TRIM49: variants seen among roughly 807,000 people sequenced by gnomAD.
TRIM49 encodes tripartite motif containing 49, also known as tripartite motif-containing protein 49.
In TRIM49, 5 loss-of-function variants were observed where a neutral mutation model predicts 27.4. The ratio of observed to expected loss-of-function variants is 0.18; its 90% CI spans 0.10 to 0.38. The LOEUF (loss-of-function observed/expected upper bound fraction) is 0.38, where lower values mean the gene tolerates loss of function less well. Among genes scored for constraint, TRIM49 ranks in the 10% least tolerant of loss-of-function variants. The pLI is 1.00. For synonymous variants in TRIM49, 69 were observed against 166.0 expected, an observed-to-expected ratio of 0.42 and a Z score of 4.49; for missense variants, 188 against 487.5, an observed-to-expected ratio of 0.39 and a Z score of 5.79.
At chr11:89,786,818 C>T in the TRIM49 span, 3 of 139,138 alleles carry the variant, frequency 2.2e-5, no homozygotes, top group Admixed American at 6.8e-5. Flanking sequence ...CATGACTTTC[C>T]TGCGCTGTTT....
the TRIM49 span, among the ~76,000 whole-genome samples, chr11:89,769,304 C>A: frequency 7.4e-6 from 1 of 134,502 alleles, no homozygotes; most frequent in Non-Finnish European, 1.5e-5. Context: ...GTATTCTCAT[C>A]TCTTACACTT....
the TRIM49 span, among the ~76,000 whole-genome samples, chr11:89,775,598 A>G: frequency 3.0e-5 from 4 of 132,292 alleles, 1 homozygote; most frequent in South Asian, 9.5e-4. Context: ...TTATTTTAGA[A>G]GATAATTAAC....
chr11:89,800,348 G>A (rs538399137), intron 6 of TRIM49, among the ~76,000 whole-genome samples: 1 of 151,588 alleles, frequency 6.6e-6, no homozygotes, highest in East Asian at 1.9e-4. Flanking sequence ...CTTTTTCACT[G>A]CTAAAATACT....
At chr11:89,794,519 C>T (rs773846472), downstream of TRIM49, among the ~76,000 whole-genome samples, 13 of 151,396 alleles carry the variant, frequency 8.6e-5, no homozygotes, top group Admixed American at 3.3e-4. Context: ...AAAACAGCAT[C>T]GGACTCGTGC....
Position 89,798,711 on chromosome 11 carries a change from A to G in TRIM49, c.860-82T>C. On this transcript the variant is annotated intron_variant, in intron 7 of 7. Coordinates refer to ENST00000329758, the MANE Select transcript of TRIM49 (RefSeq NM_020358.2). ...AATTGTTCTATCAAGAAGTTACTTT[A>G]CCAGCAAATGTAAAGTCATAAAATG... 5.1e-6 allele frequency: 7 copies of G among 1,379,956 alleles called. No homozygotes were observed. In the South Asian group the frequency reaches 9.6e-5, roughly 19 times the overall value. 85.5% of individuals were successfully genotyped at this position (1,379,956 alleles called of 1,614,324 possible).
chr11:89,804,260 C>G lies in TRIM49; in HGVS notation c.210G>C (p.Leu70Phe), dbSNP rs371807322. The G allele has an allele frequency of 1.2e-5, 20 of 1,611,986 alleles. No individual in the cohort carries two copies. In the African/African-American group the frequency reaches 2.3e-4, roughly 18 times the overall value. The change falls in exon 3 of 8, where the codon TTG becomes TTC. Residue 70 changes from leucine (L) to phenylalanine (F), a missense_variant. By Grantham distance (22) the Leu-to-Phe change is conservative. This residue lies in a region of TRIM49 where 37 missense variants were observed against 52.4 expected (regional missense o/e 0.71). Transcript: ENST00000329758. Reference protein sequence around the residue: ...EQINLKTNIHLKKMASLARKV... With the variant: ...EQINLKTNIHFKKMASLARKV... Reference sequence around the variant, plus strand: ...TTCTGGCAAGAGAAGCCATCTTCTTCAAATGAATGTTGGTTTTGAGGTTTA... The same window carrying G: ...TTCTGGCAAGAGAAGCCATCTTCTTGAAATGAATGTTGGTTTTGAGGTTTA...
downstream of TRIM49, among the ~76,000 whole-genome samples, chr11:89,795,879 G>A (rs1262098694): frequency 7.0e-6 from 1 of 141,898 alleles, no homozygotes; most frequent in Non-Finnish European, 1.5e-5. Context: ...AGAACTTAAA[G>A]TATAATGAAA....
chr11:89,787,929 G>T, the TRIM49 span: 7 of 367,434 alleles, frequency 1.9e-5, no homozygotes, highest in South Asian at 2.4e-4. Context: ...ACCGGGCCGC[G>T]TGTATTTCCG....
chr11:89,790,497 C>G, the TRIM49 span, among the ~76,000 whole-genome samples: 2 of 151,990 alleles, frequency 1.3e-5, no homozygotes, highest in African/African-American at 2.4e-5. Context: ...GGAGGCACCC[C>G]CCAGTAGGGG....
downstream of TRIM49, among the ~76,000 whole-genome samples, chr11:89,792,707 A>G (rs754511209): frequency 6.6e-6 from 1 of 152,170 alleles, no homozygotes; most frequent in Non-Finnish European, 1.5e-5. Flanking sequence ...GAGAACAAAG[A>G]CACAACATAC....
chr11:89,771,893 AT>A, the TRIM49 span, among the ~76,000 whole-genome samples: 2 of 90,966 alleles, frequency 2.2e-5, no homozygotes, highest in African/African-American at 1.4e-4. Context: ...TTCCTATTAA[AT>A]TTTTTTATGT....
chr11:89,777,498 C>T, the TRIM49 span: 1 of 1,438,458 alleles, frequency 7.0e-7, no homozygotes, highest in Non-Finnish European at 9.2e-7. Context: ...GGTGATTATT[C>T]CATGTCAATC....
At chr11:89,789,649 C>A in the TRIM49 span, 8 of 150,026 alleles carry the variant, frequency 5.3e-5, no homozygotes, top group Admixed American at 5.3e-4. Flanking sequence ...CGTCTAATTG[C>A]CGTTGGAATA....
At chr11:89,787,501 A>G in the TRIM49 span, 2 of 477,010 alleles carry the variant, frequency 4.2e-6, no homozygotes, top group Non-Finnish European at 3.7e-6. Flanking sequence ...AGGAATCCCC[A>G]AGAGCCGGCC....
chr11:89,783,843 G>T, the TRIM49 span, among the ~76,000 whole-genome samples: 1 of 143,626 alleles, frequency 7.0e-6, no homozygotes, highest in Non-Finnish European at 1.5e-5. Context: ...TCACATGTTT[G>T]TACCAATATA....
chr11:89,798,264 C>T lies in TRIM49; in HGVS notation c.1225G>A (p.Val409Ile), dbSNP rs781188443. 2.5e-6 allele frequency: 4 copies of T among 1,577,056 alleles called. No homozygotes were observed. Among genetic ancestry groups the T allele is most frequent in the South Asian group, 2.2e-5 (2 of 89,662 alleles). Residue 409 changes from valine (V) to isoleucine (I), a missense_variant, in exon 8 of 8, where the codon GTA becomes ATA. Transcript: ENST00000329758. ...GCCTCACAATCCAGGAATAATCCTA[C>T]TCGGCTGGTAGGTTTTGGGATATAT... The part of the protein sequence containing the change: ...LQYIPKPTSR[V>I]GLFLDCEAKT...
At chr11:89,794,292 C>T (rs1181665882), downstream of TRIM49, among the ~76,000 whole-genome samples, 1 of 124,776 alleles carries the variant, frequency 8.0e-6, no homozygotes, top group Admixed American at 8.2e-5. Context: ...GAATCAATAT[C>T]ATGAAAATGG....
downstream of TRIM49, among the ~76,000 whole-genome samples, chr11:89,796,703 CAT>C (rs1949692199): frequency 6.6e-6 from 1 of 150,402 alleles, no homozygotes; most frequent in Admixed American, 6.6e-5. Context: ...TTTAAATTGG[CAT>C]ATGTTTATTA....
At chr11:89,796,200 A>C (rs1949687893), downstream of TRIM49, among the ~76,000 whole-genome samples, 1 of 152,046 alleles carries the variant, frequency 6.6e-6, no homozygotes, top group African/African-American at 2.4e-5. Context: ...TAATTAGCGC[A>C]TTTATAATAT....
Sources: allele counts gnomAD v4.1 joint callset (sites outside exome capture counted in the v4.1 genomes callset), GRCh38; gene constraint gnomAD v4.1.1; regional missense constraint gnomAD v4.1.1; transcripts MANE v1.5; gene names NCBI Gene and HGNC (gene_info 2026-07-23, HGNC 2026-07-21).